The following UNC5D variants were observed in gnomAD, a reference collection of about 807,000 sequenced individuals.
The protein encoded by UNC5D is netrin receptor UNC5D.
A neutral mutation model predicts 105.4 loss-of-function variants in UNC5D; 39 were observed. The ratio of observed to expected loss-of-function variants is 0.37; its 90% CI spans 0.29 to 0.48. The LOEUF (loss-of-function observed/expected upper bound fraction) is 0.48. UNC5D is among the 20% of genes least tolerant of loss of function. The pLI is 0.98. For synonymous variants in UNC5D, 452 were observed against 450.4 expected (o/e 1.00, Z -0.04); for missense variants, 991 against 1,202.4 (o/e 0.82, Z 2.60).
At chr8:35,678,384 G>T (rs949513500) in intron 4 of UNC5D, among the ~76,000 whole-genome samples, 1 of 152,054 alleles carries the variant, frequency 6.6e-6, no homozygotes, top group African/African-American at 2.4e-5. Context: ...ACACTCTGCA[G>T]CTAAATATAA....
chr8:35,384,345 G>A (rs1221173095), intron 1 of UNC5D, among the ~76,000 whole-genome samples: 1 of 152,150 alleles, frequency 6.6e-6, no homozygotes, highest in Non-Finnish European at 1.5e-5. Flanking sequence ...ATGTGTATGT[G>A]ATTTGACACA....
intron 4 of UNC5D, among the ~76,000 whole-genome samples, chr8:35,606,788 G>A (rs1024545334): frequency 2.0e-5 from 3 of 152,230 alleles, no homozygotes; most frequent in African/African-American, 4.8e-5. Context: ...ATGCACACAT[G>A]AGTGTGCATA....
intron 1 of UNC5D, among the ~76,000 whole-genome samples, chr8:35,349,426 C>T (rs1812048932): frequency 6.6e-6 from 1 of 151,176 alleles, no homozygotes; most frequent in African/African-American, 2.4e-5. Context: ...ATATCAAAAC[C>T]ATTTTCATTA....
intron 4 of UNC5D, among the ~76,000 whole-genome samples, chr8:35,606,691 A>G (rs181490487): frequency 8.0e-4 from 122 of 152,322 alleles, no homozygotes; most frequent in Admixed American, 1.4e-3. Context: ...CATAAATTTA[A>G]AAAAGAAAGA....
intron 4 of UNC5D, among the ~76,000 whole-genome samples, chr8:35,652,410 T>C (rs1035869365): frequency 2.6e-5 from 4 of 152,166 alleles, no homozygotes; most frequent in Admixed American, 6.5e-5. Flanking sequence ...AAAATGAGGA[T>C]GTACCTACTC....
intron 1 of UNC5D, among the ~76,000 whole-genome samples, chr8:35,259,879 G>A (rs996356033): frequency 6.6e-6 from 1 of 151,994 alleles, no homozygotes; most frequent in Non-Finnish European, 1.5e-5. Flanking sequence ...TACACATTTG[G>A]AAAGTGAAAC....
At chr8:35,549,658 C>G (rs7823257) in intron 2 of UNC5D, 148 bp downstream of exon 2, 8,194 of 771,778 alleles carry the variant, frequency 0.011, 146 homozygotes, top group African/African-American at 0.068. Flanking sequence ...AGATGCAATC[C>G]TTTTCTTCAA....
chr8:35,552,557 CAATCCTTT>C (rs1203426161), intron 2 of UNC5D, among the ~76,000 whole-genome samples: 3 of 152,174 alleles, frequency 2.0e-5, no homozygotes, highest in African/African-American at 7.2e-5. Flanking sequence ...TCGTAAAAGC[CAATCCTTT>C]AATCTGGGCA....
intron 1 of UNC5D, among the ~76,000 whole-genome samples, chr8:35,321,513 T>G (rs1361049628): frequency 6.6e-6 from 1 of 152,098 alleles, no homozygotes; most frequent in African/African-American, 2.4e-5. Flanking sequence ...CCCCTTTGCC[T>G]TCCACACCGA....
At chr8:35,428,144 C>A (rs1374460361) in intron 1 of UNC5D, among the ~76,000 whole-genome samples, 1 of 152,006 alleles carries the variant, frequency 6.6e-6, no homozygotes, top group Non-Finnish European at 1.5e-5. Flanking sequence ...GGAAACAAAT[C>A]TGACACCCAA....
chr8:35,374,162 C>A (rs1043804722), intron 1 of UNC5D, among the ~76,000 whole-genome samples: 3 of 152,198 alleles, frequency 2.0e-5, no homozygotes, highest in Non-Finnish European at 4.4e-5. Flanking sequence ...TGTACCTTCA[C>A]TTTGCTTTTA....
Position 35,503,265 on chromosome 8 carries a change from T to G in UNC5D, c.104-46027T>G, listed in dbSNP as rs561204353. Among the ~76,000 whole-genome samples, 13 of 152,208 alleles carry G rather than the reference T, an allele frequency of 8.5e-5. No homozygotes were observed. The Middle Eastern group carries it at 0.01, about 119-fold the overall frequency. On this transcript the variant is annotated intron_variant, in intron 1 of 16. Coordinates refer to ENST00000404895, the MANE Select transcript of UNC5D (RefSeq NM_080872.4). The stretch of plus-strand genomic sequence containing the variant: ...CCGCTGATAAAGAGATACCTGAGAC[T>G]GAGTAATTTATAAAGAAAAAGAGGT...
chr8:35,640,017 G>C (rs1822617101), intron 4 of UNC5D, among the ~76,000 whole-genome samples: 1 of 151,896 alleles, frequency 6.6e-6, no homozygotes, highest in Non-Finnish European at 1.5e-5. Flanking sequence ...GAGCCACTGT[G>C]CCTGGCCTAT....
intron 1 of UNC5D, among the ~76,000 whole-genome samples, chr8:35,370,587 A>C (rs756886634): frequency 1.3e-5 from 2 of 152,174 alleles, no homozygotes; most frequent in African/African-American, 4.8e-5. Flanking sequence ...ATTTCTTAAC[A>C]GTCTGTCAGC....
rs565547791 is a variant in UNC5D, at chr8:35,354,787, C to T, written c.103+118900C>T. 3.3e-5 allele frequency among the ~76,000 whole-genome samples: 5 copies of T among 152,244 alleles called. No individual in the cohort carries two copies. The South Asian group carries it at 1.0e-3, about 32-fold the overall frequency. On this transcript the variant is annotated intron_variant, in intron 1 of 16. Coordinates refer to ENST00000404895, the MANE Select transcript of UNC5D (RefSeq NM_080872.4). ...CTGCGTCAGGATGTTGGGAAGGGCA[C>T]AGCTGGATGGTTTGTTTTCCATCCA... is the stretch of plus-strand genomic sequence containing the variant.
At chr8:35,677,069 A>T (rs1056616120) in intron 4 of UNC5D, among the ~76,000 whole-genome samples, 1 of 152,126 alleles carries the variant, frequency 6.6e-6, no homozygotes, top group African/African-American at 2.4e-5. Context: ...GACCCTAACT[A>T]GTGGCTACAC....
At chr8:35,570,509 A>C (rs1817642467) in intron 3 of UNC5D, among the ~76,000 whole-genome samples, 1 of 152,166 alleles carries the variant, frequency 6.6e-6, no homozygotes, top group African/African-American at 2.4e-5. Context: ...TTTCATTTGC[A>C]GGTGTCTTAA....
intron 1 of UNC5D, among the ~76,000 whole-genome samples, chr8:35,349,195 G>A (rs1348011766): frequency 6.6e-6 from 1 of 151,784 alleles, no homozygotes; most frequent in Non-Finnish European, 1.5e-5. Context: ...GATATTGATG[G>A]CATTCTTTTT....
chr8:35,591,113 T>G (rs941777685), intron 3 of UNC5D, among the ~76,000 whole-genome samples: 3 of 152,310 alleles, frequency 2.0e-5, no homozygotes. Context: ...GGTTAGTTTA[T>G]TTTACAAGGT....
Sources: allele counts gnomAD v4.1 joint callset (sites outside exome capture counted in the v4.1 genomes callset), GRCh38; gene constraint gnomAD v4.1.1; transcripts MANE v1.5; gene names NCBI Gene and HGNC (gene_info 2026-07-23, HGNC 2026-07-21).